Variants in DPP10 observed in about 807,000 individuals in gnomAD.
DPP10 encodes the protein inactive dipeptidyl peptidase 10.
A neutral mutation model predicts 120.9 loss-of-function variants in DPP10; 33 were observed. The ratio of observed to expected loss-of-function variants is 0.27; its 90% CI spans 0.21 to 0.37. The LOEUF (loss-of-function observed/expected upper bound fraction) is 0.37, where lower values mean the gene tolerates loss of function less well. DPP10 is among the 10% of genes least tolerant of loss of function. The pLI, the probability that DPP10 is intolerant of heterozygous loss-of-function variation, is 1.00. For missense variants in DPP10, 816 were observed against 942.8 expected, an observed-to-expected ratio of 0.87 and a Z score of 1.76; for synonymous variants, 337 against 326.1, an observed-to-expected ratio of 1.03 and a Z score of -0.36.
chr2:115,521,523 A>G (rs1423661834), intron 4 of DPP10, among the ~76,000 whole-genome samples: 2 of 152,098 alleles, frequency 1.3e-5, no homozygotes, highest in Admixed American at 1.3e-4. Flanking sequence ...TACAAAAGCA[A>G]CATTCACCCA....
chr2:114,692,770 G>C (rs1283829446), intron 1 of DPP10, among the ~76,000 whole-genome samples: 2 of 151,910 alleles, frequency 1.3e-5, no homozygotes, highest in Non-Finnish European at 2.9e-5. Flanking sequence ...CTCCTGTATT[G>C]GGTGCATATA....
At chr2:114,508,063 TCTC>T (rs1424177431) in intron 1 of DPP10, among the ~76,000 whole-genome samples, 1 of 152,116 alleles carries the variant, frequency 6.6e-6, no homozygotes, top group African/African-American at 2.4e-5. Flanking sequence ...TCCATCTCTC[TCTC>T]CTCCTTTTCT....
chr2:115,338,196 A>G (rs1330618621), intron 2 of DPP10, among the ~76,000 whole-genome samples: 2 of 152,154 alleles, frequency 1.3e-5, no homozygotes, highest in East Asian at 1.9e-4. Context: ...AGATGTAAAC[A>G]TTTAAATAAA....
intron 1 of DPP10, among the ~76,000 whole-genome samples, chr2:115,171,781 G>A (rs532273261): frequency 6.6e-6 from 1 of 151,680 alleles, no homozygotes; most frequent in South Asian, 2.1e-4. Flanking sequence ...AGGCTCATTT[G>A]ACATTTCTTG....
At chr2:114,470,660 G>C (rs1679830019) in intron 1 of DPP10, among the ~76,000 whole-genome samples, 1 of 152,140 alleles carries the variant, frequency 6.6e-6, no homozygotes, top group Admixed American at 6.5e-5. Flanking sequence ...AAATTTACAA[G>C]TTACTTTGCA....
At chr2:115,460,519 T>G (rs1367600286) in intron 3 of DPP10, among the ~76,000 whole-genome samples, 1 of 152,208 alleles carries the variant, frequency 6.6e-6, no homozygotes, top group Non-Finnish European at 1.5e-5. Flanking sequence ...CTAAAGTTAA[T>G]TATTACTCTT....
chr2:114,443,911 A>G (rs1002141833), intron 1 of DPP10, among the ~76,000 whole-genome samples: 3 of 152,118 alleles, frequency 2.0e-5, no homozygotes, highest in Admixed American at 1.3e-4. Context: ...ATTTTCAACA[A>G]TGTCTCTTCT....
intron 5 of DPP10, among the ~76,000 whole-genome samples, chr2:115,536,002 G>A (rs1418235710): frequency 1.3e-5 from 2 of 151,996 alleles, no homozygotes; most frequent in African/African-American, 4.8e-5. Context: ...ATCAGCTTAA[G>A]GAGATTTTGG....
intron 1 of DPP10, among the ~76,000 whole-genome samples, chr2:115,099,130 C>CAAAAAAAAAAAA (rs55815168): frequency 1.3e-5 from 1 of 74,786 alleles, no homozygotes; most frequent in Non-Finnish European, 2.9e-5. Flanking sequence ...GCTAAAAATA[C>CAAAAAAAAAAAA]AAAAAAAAAA....
rs2076695303 is a variant in DPP10 at position 115,501,780 on chromosome 2, A to C, written c.366+2176A>C. The stretch of plus-strand genomic sequence containing the variant: ...GGAGCTTGTTTAATCATTCTCTCCT[A>C]ACTTCAAAATGGCATTATTTAATAC... On this transcript the variant is annotated intron_variant, in intron 4 of 25. Coordinates refer to ENST00000410059, the MANE Select transcript of DPP10 (RefSeq NM_020868.6). Among the ~76,000 whole-genome samples, 5 of 152,182 alleles carry C rather than the reference A, an allele frequency of 3.3e-5. No homozygotes were observed. The South Asian group carries it at 8.3e-4, about 25-fold the overall frequency.
At chr2:114,963,009 G>C (rs556372367) in intron 1 of DPP10, among the ~76,000 whole-genome samples, 2 of 152,276 alleles carry the variant, frequency 1.3e-5, no homozygotes, top group South Asian at 4.1e-4. Flanking sequence ...TTGTACAACA[G>C]AAAGAATTAA....
chr2:114,580,560 G>C (rs902952894), intron 1 of DPP10, among the ~76,000 whole-genome samples: 2 of 152,140 alleles, frequency 1.3e-5, no homozygotes, highest in African/African-American at 4.8e-5. Flanking sequence ...GAAATTCTTA[G>C]AGAGGAAATC....
At chr2:114,651,940 C>T (rs995875349) in intron 1 of DPP10, among the ~76,000 whole-genome samples, 2 of 152,070 alleles carry the variant, frequency 1.3e-5, no homozygotes, top group East Asian at 3.9e-4. Flanking sequence ...CGGAAGATGA[C>T]GATAGTAAAT....
At chr2:115,360,381 G>A (rs944134804) in intron 3 of DPP10, among the ~76,000 whole-genome samples, 1 of 152,166 alleles carries the variant, frequency 6.6e-6, no homozygotes, top group African/African-American at 2.4e-5. Context: ...TTAAGCCTCT[G>A]TACAGGTTAT....
intron 1 of DPP10, among the ~76,000 whole-genome samples, chr2:114,570,341 G>A (rs1466510581): frequency 1.3e-5 from 2 of 152,044 alleles, no homozygotes; most frequent in African/African-American, 4.8e-5. Context: ...AAGATAAATG[G>A]GAAAGGGCAG....
chr2:115,209,656 C>A (rs1320633011), intron 1 of DPP10, among the ~76,000 whole-genome samples: 1 of 152,012 alleles, frequency 6.6e-6, no homozygotes, highest in African/African-American at 2.4e-5. Flanking sequence ...AGCAGGCAAA[C>A]AAACCTCTGG....
intron 7 of DPP10, among the ~76,000 whole-genome samples, chr2:115,697,187 A>G (rs2091639117): frequency 6.6e-6 from 1 of 152,182 alleles, no homozygotes; most frequent in East Asian, 1.9e-4. Flanking sequence ...GATAAGGGAT[A>G]TAGAAAAGAA....
At chr2:114,746,766 T>C (rs1438553714) in intron 1 of DPP10, among the ~76,000 whole-genome samples, 1 of 152,236 alleles carries the variant, frequency 6.6e-6, no homozygotes, top group Non-Finnish European at 1.5e-5. Flanking sequence ...CAAGCTGCTC[T>C]AGGAGTTTTC....
At chr2:114,856,837 C>T (rs1411088383) in intron 1 of DPP10, among the ~76,000 whole-genome samples, 1 of 152,090 alleles carries the variant, frequency 6.6e-6, no homozygotes, top group African/African-American at 2.4e-5. Flanking sequence ...GTAATTTGTG[C>T]ACTATTCTAT....
Sources: allele counts gnomAD v4.1 joint callset (sites outside exome capture counted in the v4.1 genomes callset), GRCh38; gene constraint gnomAD v4.1.1; transcripts MANE v1.5; gene names NCBI Gene and HGNC (gene_info 2026-07-23, HGNC 2026-07-21).